PCDH15: variants seen among roughly 807,000 people sequenced by gnomAD.
The protein encoded by PCDH15 is protocadherin related 15, also known as protocadherin-15.
A neutral mutation model predicts 178.5 loss-of-function variants in PCDH15; 129 were observed. The ratio of observed to expected loss-of-function variants is 0.72; its 90% CI spans 0.63 to 0.84. The LOEUF (loss-of-function observed/expected upper bound fraction) is 0.84. Ranked by LOEUF, PCDH15 falls within the 40% of genes least tolerant of loss-of-function variation. The pLI is 0.00. For synonymous variants in PCDH15, 800 were observed against 732.0 expected, an observed-to-expected ratio of 1.09 and a Z score of -1.50; for missense variants, 2,230 against 2,099.9, an observed-to-expected ratio of 1.06 and a Z score of -1.21.
rs191013324 is a variant in PCDH15, at chr10:54,667,842, T to C, written c.-28-3552A>G. Among the ~76,000 whole-genome samples the C allele has an allele frequency of 9.9e-5, 15 of 152,274 alleles. No individual in the cohort carries two copies. In the East Asian group the frequency reaches 2.3e-3, roughly 24 times the overall value. On this transcript the variant is annotated intron_variant, in intron 1 of 37. Coordinates refer to ENST00000644397, the MANE Select transcript of PCDH15 (RefSeq NM_001384140.1). ...ATAATTAAATTGGTGTATTCAGTAC[T>C]CTAATATAGCTAATAAAGTTATCAT...
At chr10:55,348,529 G>T (rs1367803673) in intron 2 of PCDH15, among the ~76,000 whole-genome samples, 2 of 152,062 alleles carry the variant, frequency 1.3e-5, no homozygotes, top group Non-Finnish European at 2.9e-5. Context: ...TGGAAGGGAA[G>T]TAAATAAGTA....
intron 2 of PCDH15, among the ~76,000 whole-genome samples, chr10:55,544,155 T>TATAC (rs1220601310): frequency 7.1e-6 from 1 of 140,854 alleles, no homozygotes; most frequent in African/African-American, 2.6e-5. Context: ...TATATATATA[T>TATAC]ATATATATAT....
intron 26 of PCDH15, among the ~76,000 whole-genome samples, chr10:53,902,500 G>A (rs2082397581): frequency 6.6e-6 from 1 of 152,070 alleles, no homozygotes; most frequent in South Asian, 2.1e-4. Context: ...AATTAACTCC[G>A]CAATTGAGAA....
At chr10:54,439,451 A>C (rs1297554500) in intron 3 of PCDH15, among the ~76,000 whole-genome samples, 1 of 152,070 alleles carries the variant, frequency 6.6e-6, no homozygotes, top group African/African-American at 2.4e-5. Flanking sequence ...CATTACGGAA[A>C]GAGTTTTCTT....
intron 14 of PCDH15, among the ~76,000 whole-genome samples, chr10:54,135,848 CATA>C (rs957751208): frequency 2.9e-4 from 44 of 152,122 alleles, no homozygotes; most frequent in Middle Eastern, 6.8e-3. Context: ...ATTATTTCCA[CATA>C]ATAAGTGGGA....
intron 1 of PCDH15, among the ~76,000 whole-genome samples, chr10:54,722,999 C>T (rs1051098090): frequency 6.6e-6 from 1 of 151,388 alleles, no homozygotes; most frequent in African/African-American, 2.4e-5. Flanking sequence ...AATGCAATGC[C>T]TATCAATTTA....
At chr10:54,593,322 C>T (rs1313331342) in intron 2 of PCDH15, among the ~76,000 whole-genome samples, 2 of 152,070 alleles carry the variant, frequency 1.3e-5, no homozygotes, top group Admixed American at 6.6e-5. Flanking sequence ...ATGTTTATGT[C>T]TTTAATCCAT....
At chr10:54,192,478 T>C (rs2049134877) in intron 11 of PCDH15, among the ~76,000 whole-genome samples, 1 of 152,016 alleles carries the variant, frequency 6.6e-6, no homozygotes, top group South Asian at 2.1e-4. Context: ...TTGTGGCGAA[T>C]AAAGAAAACA....
intron 3 of PCDH15, among the ~76,000 whole-genome samples, chr10:54,472,192 G>T (rs904172884): frequency 2.0e-5 from 3 of 151,438 alleles, no homozygotes; most frequent in African/African-American, 7.3e-5. Flanking sequence ...ATATTGTTCT[G>T]CTGCAAAAAA....
chr10:53,956,660 A>C (rs918409429), intron 23 of PCDH15, among the ~76,000 whole-genome samples: 4 of 152,132 alleles, frequency 2.6e-5, no homozygotes, highest in Non-Finnish European at 4.4e-5. Flanking sequence ...GTATATTATT[A>C]ATACACAGTA....
chr10:54,377,651 T>C (rs570561926), intron 4 of PCDH15, among the ~76,000 whole-genome samples: 1 of 152,126 alleles, frequency 6.6e-6, no homozygotes, highest in Non-Finnish European at 1.5e-5. Flanking sequence ...TGAGCAATGA[T>C]GTGAAATGAT....
At chr10:54,933,793 T>C (rs957535529) in intron 2 of PCDH15, among the ~76,000 whole-genome samples, 2 of 152,156 alleles carry the variant, frequency 1.3e-5, no homozygotes, top group Admixed American at 6.6e-5. Context: ...TATTATACTG[T>C]GGCACTCTTA....
In PCDH15 at chr10:54,099,513, A is replaced by AAAAAT. The variant is rs1347306483; in HGVS notation, c.1918-9451_1918-9450insATTTT. Among the ~76,000 whole-genome samples the AAAAAT allele has an allele frequency of 2.1e-3, 252 of 117,834 alleles. 4 individuals carry two copies. Among genetic ancestry groups the AAAAAT allele is most frequent in the African/African-American group, 7.3e-3 (190 of 26,082 alleles). The allele number at this position is 117,834 out of a possible 152,430, so 77.3% of individuals were successfully genotyped here. A position where few individuals can be genotyped will look rare whatever the true frequency, so the allele number is the denominator to read the frequency against. On this transcript the variant is annotated intron_variant, in intron 15 of 37. Coordinates refer to ENST00000644397, the MANE Select transcript of PCDH15 (RefSeq NM_001384140.1). ...GACTCCATCTCAAAAAAAAAAAAAAAATATATATATATATATATAAAACAA... is the reference window on the plus strand; with the variant it reads ...GACTCCATCTCAAAAAAAAAAAAAAAAAAATATATATATATATATATATAAAACAA...
chr10:55,300,994 A>T (rs1438709919), intron 1 of PCDH15, among the ~76,000 whole-genome samples: 1 of 152,204 alleles, frequency 6.6e-6, no homozygotes, highest in African/African-American at 2.4e-5. Context: ...TTCTTAAAAC[A>T]TGTACCTTTT....
At position 55,392,891 on chromosome 10, in the gene PCDH15, AT is replaced by A. The variant is rs1449517149; in HGVS notation, c.-155-226241del. On this transcript the variant is annotated intron_variant, in intron 2 of 5. Coordinates refer to the PCDH15 transcript ENST00000613346. Reference sequence around the variant, plus strand: ...TCTAGTGCTTTTAATGTATTAGCTCATTTAGTCCTCTCAACAATTAAAATTA... The same window carrying A: ...TCTAGTGCTTTTAATGTATTAGCTCATTAGTCCTCTCAACAATTAAAATTA... Among the ~76,000 whole-genome samples, 3 of 152,006 alleles carry A rather than the reference AT, an allele frequency of 2.0e-5. No individual in the cohort carries two copies. In the East Asian group the frequency reaches 5.8e-4, roughly 29 times the overall value.
At chr10:54,962,361 G>A (rs991538201) in intron 2 of PCDH15, among the ~76,000 whole-genome samples, 2 of 152,120 alleles carry the variant, frequency 1.3e-5, no homozygotes, top group East Asian at 1.9e-4. Context: ...GCCAGAGCAG[G>A]GTGGTGGGAC....
chr10:54,084,522 T>G (rs2094487814), intron 16 of PCDH15, among the ~76,000 whole-genome samples: 1 of 152,008 alleles, frequency 6.6e-6, no homozygotes, highest in Admixed American at 6.6e-5. Context: ...TAGTCCCAGC[T>G]ACTTGGGAGG....
chr10:54,393,014 T>A (rs1403433504), intron 3 of PCDH15, among the ~76,000 whole-genome samples: 1 of 152,180 alleles, frequency 6.6e-6, no homozygotes. Flanking sequence ...TGATTAAAAT[T>A]TTAAAGTTTT....
intron 2 of PCDH15, among the ~76,000 whole-genome samples, chr10:55,061,742 C>T (rs1841438623): frequency 6.6e-6 from 1 of 152,164 alleles, no homozygotes; most frequent in Non-Finnish European, 1.5e-5. Context: ...AGCTACTGGC[C>T]AGATGCGGTG....
Sources: allele counts gnomAD v4.1 joint callset (sites outside exome capture counted in the v4.1 genomes callset), GRCh38; gene constraint gnomAD v4.1.1; transcripts MANE v1.5; gene names NCBI Gene and HGNC (gene_info 2026-07-23, HGNC 2026-07-21).